The following SLC26A5 variants were observed in gnomAD, a reference collection of about 807,000 sequenced individuals.
SLC26A5 encodes solute carrier family 26 member 5.
In SLC26A5, 51 loss-of-function variants were observed where a neutral mutation model predicts 81.0. The observed-to-expected ratio is 0.63, with a 90% CI of 0.50 to 0.80. The LOEUF (loss-of-function observed/expected upper bound fraction) is 0.80, where lower values mean the gene tolerates loss of function less well. SLC26A5 is among the 30% of genes least tolerant of loss of function. The probability of loss-of-function intolerance (pLI) is 0.00; values close to 1 mark genes in which losing one functional copy is unlikely to be tolerated. For missense variants in SLC26A5, 771 were observed against 905.8 expected, an observed-to-expected ratio of 0.85 and a Z score of 1.91; for synonymous variants, 325 against 332.8, an observed-to-expected ratio of 0.98 and a Z score of 0.25.
intron 9 of SLC26A5, among the ~76,000 whole-genome samples, chr7:103,395,681 C>T (rs778433426): frequency 7.9e-5 from 12 of 151,224 alleles, no homozygotes; most frequent in South Asian, 2.1e-4. Context: ...CCACCATGCC[C>T]GGCTAATTTT....
chr7:103,445,408 C>G (rs1827214772), intron 1 of SLC26A5: 2 of 152,240 alleles, frequency 1.3e-5, no homozygotes, highest in African/African-American at 4.8e-5. Flanking sequence ...TTCGAGAGTT[C>G]AGCGTGTCAG....
rs560011952 is a variant in SLC26A5, at chr7:103,420,761, G to A, written c.269C>T (p.Thr90Ile). The change falls in exon 4 of 20, where the codon ACA (threonine) becomes ATA (isoleucine). Residue 90 changes from threonine (T) to isoleucine (I), a missense_variant. Physicochemically the swap from Thr to Ile is moderately conservative, Grantham distance 89. Transcript: ENST00000306312. ...VLGDLVSGIS[T>I]GVLQLPQGLA... The stretch of plus-strand genomic sequence containing the variant: ...ACCTTGAGGAAGCTGAAGCACCCCT[G>A]TGCTTATGCCTGAGACCAAGTCACC... 6 of 1,614,134 alleles carry A rather than the reference G, an allele frequency of 3.7e-6. No individual in the cohort carries two copies. The African/African-American group carries it at 4.0e-5, about 11-fold the overall frequency.
At chr7:103,358,760 G>GTTTC (rs1820188434) in intron 19 of SLC26A5, among the ~76,000 whole-genome samples, 1 of 151,918 alleles carries the variant, frequency 6.6e-6, no homozygotes, top group African/African-American at 2.4e-5. Flanking sequence ...ATTTTTCTAG[G>GTTTC]CCGTATGAGG....
Position 103,374,514 on chromosome 7 carries a change from T to A in SLC26A5, c.2120A>T (p.His707Leu). ...ALWELLFHSIHDAVLGSQLRE... is the reference protein window; with the variant it reads ...ALWELLFHSILDAVLGSQLRE... ...AAGTTGGCTGCCTAAAACTGCATCA[T>A]GAATGCTGTGGAACAGCAGCTCCCA... The change falls in exon 20 of 20, where the codon CAT becomes CTT. Residue 707 changes from histidine (H) to leucine (L), a missense_variant. Coordinates refer to ENST00000306312, the MANE Select transcript of SLC26A5 (RefSeq NM_198999.3). The A allele has an allele frequency of 1.9e-6, 3 of 1,614,044 alleles. No homozygotes were observed. Among genetic ancestry groups the A allele is most frequent in the Non-Finnish European group, 1.7e-6 (2 of 1,180,030 alleles).
chr7:103,379,403 C>A, intron 15 of SLC26A5, 68 bp from the exon 16 acceptor site: 1 of 1,028,752 alleles, frequency 9.7e-7, no homozygotes. Flanking sequence ...CATAGCTTCC[C>A]CACCCCAAAT....
chr7:103,364,966 T>TATATATATATAC (rs1352243371), intron 19 of SLC26A5, among the ~76,000 whole-genome samples: 2 of 141,572 alleles, frequency 1.4e-5, no homozygotes, highest in East Asian at 4.0e-4. Context: ...TACATATATA[T>TATATATATATAC]ATATATATAT....
At chr7:103,433,781 C>T (rs1189075901) in intron 2 of SLC26A5, among the ~76,000 whole-genome samples, 1 of 149,020 alleles carries the variant, frequency 6.7e-6, no homozygotes, top group Non-Finnish European at 1.5e-5. Context: ...GGGCTCACTG[C>T]AAGCTCCATC....
At chr7:103,434,556 T>C (rs780910321) in intron 2 of SLC26A5, among the ~76,000 whole-genome samples, 1 of 152,182 alleles carries the variant, frequency 6.6e-6, no homozygotes, top group African/African-American at 2.4e-5. Flanking sequence ...AAAACAAAGA[T>C]TTTCTTACTG....
intron 14 of SLC26A5, among the ~76,000 whole-genome samples, chr7:103,388,351 C>T (rs1822373596): frequency 6.6e-6 from 1 of 151,814 alleles, no homozygotes; most frequent in Non-Finnish European, 1.5e-5. Flanking sequence ...TGTGTGCCAC[C>T]AAGCCTGGCT....
Position 103,389,311 on chromosome 7 carries a change from A to G in SLC26A5, c.1407+18T>C, listed in dbSNP as rs1211771590. The G allele has an allele frequency of 1.3e-6, 2 of 1,545,616 alleles. No homozygotes were observed. Among genetic ancestry groups the G allele is most frequent in the East Asian group, 2.2e-5 (1 of 44,558 alleles). On this transcript the variant is annotated intron_variant, in intron 13 of 19. Transcript: ENST00000306312. ...TGCTCTATGACATATTAACAGAGCCATCACCTTTGTTACTTACCAGCTCTA... is the reference window on the plus strand; with the variant it reads ...TGCTCTATGACATATTAACAGAGCCGTCACCTTTGTTACTTACCAGCTCTA...
At chr7:103,427,890 T>G (rs563755240) in intron 2 of SLC26A5, among the ~76,000 whole-genome samples, 1 of 151,628 alleles carries the variant, frequency 6.6e-6, no homozygotes, top group South Asian at 2.1e-4. Flanking sequence ...TCTCACTCTG[T>G]CGCCCAGGCT....
At chr7:103,430,557 G>T (rs189875529) in intron 2 of SLC26A5, among the ~76,000 whole-genome samples, 108 of 90,084 alleles carry the variant, frequency 1.2e-3, no homozygotes, top group African/African-American at 9.0e-3. Context: ...ATCTAAGTAG[G>T]GTGACCAAGG....
intron 7 of SLC26A5, 146 bp from the exon 8 acceptor site, chr7:103,408,149 C>G: frequency 9.4e-7 from 1 of 1,067,906 alleles, no homozygotes; most frequent in African/African-American, 1.6e-5. Flanking sequence ...CTCTTTGTAG[C>G]TTCTACCAAT....
At chr7:103,402,842 T>A (rs890928100) in intron 8 of SLC26A5, among the ~76,000 whole-genome samples, 1 of 151,162 alleles carries the variant, frequency 6.6e-6, no homozygotes, top group African/African-American at 2.5e-5. Context: ...ATTCATTGAT[T>A]TTTTTGAAGG....
intron 2 of SLC26A5, among the ~76,000 whole-genome samples, chr7:103,432,413 T>G (rs2116810990): frequency 6.6e-6 from 1 of 152,350 alleles, no homozygotes; most frequent in Non-Finnish European, 1.5e-5. Context: ...TACAGCTTTT[T>G]ATCTCATTGG....
intron 2 of SLC26A5, among the ~76,000 whole-genome samples, chr7:103,438,184 T>TA (rs766709934): frequency 1.2e-4 from 18 of 152,114 alleles, no homozygotes; most frequent in African/African-American, 4.3e-4. Flanking sequence ...ACTGTATATT[T>TA]TAAAAAAAAC....
intron 2 of SLC26A5, among the ~76,000 whole-genome samples, chr7:103,430,667 C>T (rs763771682): frequency 1.1e-4 from 16 of 142,310 alleles, no homozygotes; most frequent in South Asian, 2.2e-4. Context: ...AAGGCAGGCA[C>T]GTGATTTTGC....
At chr7:103,421,753 T>G (rs1029234417) in intron 2 of SLC26A5, among the ~76,000 whole-genome samples, 186 bp from the exon 3 acceptor site, 1 of 152,160 alleles carries the variant, frequency 6.6e-6, no homozygotes, top group Non-Finnish European at 1.5e-5. Context: ...TAAAAAAACG[T>G]GACTTATTCC....
chr7:103,389,180 A>C (rs956797853), intron 13 of SLC26A5, 66 bp from the exon 14 acceptor site: 1 of 1,278,868 alleles, frequency 7.8e-7, no homozygotes. Flanking sequence ...TAAACACACA[A>C]GTGTGCACAC....
Sources: gnomAD v4.1 joint callset for allele counts (sites outside exome capture counted in the v4.1 genomes callset) on GRCh38, gnomAD v4.1.1 for gene constraint, MANE v1.5 for transcripts, NCBI Gene and HGNC (gene_info 2026-07-23, HGNC 2026-07-21) for gene names.